The following NRXN3 variants were observed in gnomAD, a reference collection of about 807,000 sequenced individuals.
NRXN3 encodes the protein neurexin 3.
Under a neutral mutation model 137.6 loss-of-function variants are expected in NRXN3, and 32 were observed. The observed-to-expected ratio is 0.23, with a 90% CI of 0.18 to 0.31. The LOEUF is 0.31. NRXN3 is among the 10% of genes least tolerant of loss of function. The pLI is 1.00. For synonymous variants in NRXN3, 798 were observed against 784.5 expected, an observed-to-expected ratio of 1.02 and a Z score of -0.29; for missense variants, 1,574 against 2,062.5, an observed-to-expected ratio of 0.76 and a Z score of 4.59.
chr14:78,839,566 T>G (rs1334978738), intron 10 of NRXN3, among the ~76,000 whole-genome samples: 1 of 152,198 alleles, frequency 6.6e-6, no homozygotes, highest in Non-Finnish European at 1.5e-5. Flanking sequence ...GATCCTGAGA[T>G]GGACTGCACA....
chr14:78,921,089 T>C (rs926566597), intron 10 of NRXN3, among the ~76,000 whole-genome samples: 3 of 152,226 alleles, frequency 2.0e-5, no homozygotes, highest in Admixed American at 2.0e-4. Flanking sequence ...TAGTTTTTAA[T>C]GTAATCAGTC....
At chr14:79,333,602 T>G (rs763004027) in intron 15 of NRXN3, among the ~76,000 whole-genome samples, 2 of 152,014 alleles carry the variant, frequency 1.3e-5, no homozygotes, top group Non-Finnish European at 2.9e-5. Flanking sequence ...CTAATAAGAG[T>G]TAAGGATGGG....
Position 79,862,013 on chromosome 14 carries a change from C to T in NRXN3, c.*49C>T, listed in dbSNP as rs557691161. 1.3e-5 allele frequency: 19 copies of T among 1,425,114 alleles called. No individual in the cohort carries two copies. In the African/African-American group the frequency reaches 2.3e-4, roughly 17 times the overall value. 88.3% of individuals were successfully genotyped at this position (1,425,114 alleles called of 1,614,324 possible). On this transcript the variant is annotated 3_prime_UTR_variant, in exon 21 of 21. Transcript: ENST00000335750. ...GAGTTTTCACAGTTATTTCTATCCA[C>T]GCCTATGAATCTTTGGACGGTGAGA...
intron 20 of NRXN3, among the ~76,000 whole-genome samples, chr14:79,809,369 G>T (rs537770389): frequency 6.6e-6 from 1 of 152,226 alleles, no homozygotes; most frequent in South Asian, 2.1e-4. Flanking sequence ...AAACTCCTGG[G>T]CTCAAGTGAT....
intron 19 of NRXN3, among the ~76,000 whole-genome samples, chr14:79,702,969 G>A (rs1226412131): frequency 6.6e-6 from 1 of 151,326 alleles, no homozygotes; most frequent in East Asian, 1.9e-4. Context: ...ATCACCATTT[G>A]GAATCATTTA....
intron 4 of NRXN3, among the ~76,000 whole-genome samples, chr14:78,474,857 A>T (rs1421200394): frequency 6.6e-6 from 1 of 152,244 alleles, no homozygotes; most frequent in Non-Finnish European, 1.5e-5. Flanking sequence ...TGCATCCTGC[A>T]TACATTTTAG....
intron 15 of NRXN3, among the ~76,000 whole-genome samples, chr14:79,345,600 G>A (rs1181395827): frequency 6.6e-6 from 1 of 152,156 alleles, no homozygotes; most frequent in Non-Finnish European, 1.5e-5. Flanking sequence ...CCTGGCAGGA[G>A]GTGATTGGGT....
In NRXN3 at chr14:78,881,638, G is replaced by A. The variant is rs188077160; in HGVS notation, c.2275+71294G>A. Among the ~76,000 whole-genome samples the A allele has an allele frequency of 2.1e-3, 315 of 151,734 alleles. 3 individuals are homozygous for A. Among genetic ancestry groups the A allele is most frequent in the South Asian group, 5.2e-3 (25 of 4,822 alleles). Reference sequence around the variant, plus strand: ...TTCTAAGCAGCAAAGTGTTCAAGACGTGACTTGGGTGCTGTAAAAAGCATT... The same window carrying A: ...TTCTAAGCAGCAAAGTGTTCAAGACATGACTTGGGTGCTGTAAAAAGCATT... On this transcript the variant is annotated intron_variant, in intron 10 of 20. Transcript: ENST00000335750.
chr14:78,532,309 G>A (rs1477766877), intron 4 of NRXN3, among the ~76,000 whole-genome samples: 30 of 146,636 alleles, frequency 2.0e-4, no homozygotes, highest in African/African-American at 6.8e-4. Flanking sequence ...CAATAAGAGC[G>A]AAACTCCATC....
chr14:78,906,184 A>G (rs996795804), intron 10 of NRXN3, among the ~76,000 whole-genome samples: 84 of 152,204 alleles, frequency 5.5e-4, no homozygotes, highest in Non-Finnish European at 5.9e-5. Flanking sequence ...TTTCACCATT[A>G]TATTATATAA....
chr14:78,530,440 G>T (rs986067004), intron 4 of NRXN3, among the ~76,000 whole-genome samples: 2 of 152,170 alleles, frequency 1.3e-5, no homozygotes, highest in African/African-American at 2.4e-5. Flanking sequence ...AGTTGTCAAG[G>T]CACTTAGGCT....
At chr14:78,547,520 G>C (rs999183455) in intron 4 of NRXN3, among the ~76,000 whole-genome samples, 2 of 151,962 alleles carry the variant, frequency 1.3e-5, no homozygotes, top group Non-Finnish European at 2.9e-5. Context: ...TAAAGTAGCC[G>C]ATGGGATCCT....
intron 8 of NRXN3, among the ~76,000 whole-genome samples, chr14:78,728,148 C>A (rs1595240884): frequency 6.6e-6 from 1 of 152,148 alleles, no homozygotes; most frequent in East Asian, 1.9e-4. Context: ...TTGCTTTGTA[C>A]CTTTGGGCTG....
intron 8 of NRXN3, among the ~76,000 whole-genome samples, chr14:78,774,279 G>T (rs753790864): frequency 2.6e-5 from 4 of 152,084 alleles, no homozygotes; most frequent in Non-Finnish European, 4.4e-5. Flanking sequence ...ATTTTAAGTG[G>T]CTGCATAATA....
chr14:78,796,139 C>G (rs2098820971), intron 8 of NRXN3, among the ~76,000 whole-genome samples: 1 of 152,150 alleles, frequency 6.6e-6, no homozygotes, highest in Admixed American at 6.6e-5. Context: ...TTATCCAGCC[C>G]CCGTTTATAG....
chr14:78,834,218 A>C (rs1467185237), intron 10 of NRXN3, among the ~76,000 whole-genome samples: 1 of 152,138 alleles, frequency 6.6e-6, no homozygotes, highest in Non-Finnish European at 1.5e-5. Context: ...AACATTTATA[A>C]ATAAATGAGT....
chr14:79,120,421 G>T (rs1179928525), intron 15 of NRXN3, among the ~76,000 whole-genome samples: 2 of 151,806 alleles, frequency 1.3e-5, no homozygotes, highest in African/African-American at 4.8e-5. Flanking sequence ...CCATGAGAAG[G>T]GCATAACTTT....
chr14:79,103,341 A>G (rs541356204), intron 15 of NRXN3, among the ~76,000 whole-genome samples: 8 of 152,314 alleles, frequency 5.3e-5, no homozygotes, highest in Non-Finnish European at 1.0e-4. Context: ...TGATGGTTGA[A>G]GGGAATAAGA....
rs1250604017 is a variant in NRXN3 at position 79,498,004 on chromosome 14, A to G, written c.3444+30602A>G. On this transcript the variant is annotated intron_variant, in intron 16 of 20. Transcript: ENST00000335750. ...AGCCGAGATCATGCCACTGCACTCC[A>G]GCCTAGGCAACAGAGCGAGATTCTG... Among the ~76,000 whole-genome samples the G allele has an allele frequency of 2.0e-5, 3 of 152,200 alleles. No homozygotes were observed. The East Asian group carries it at 5.8e-4, about 29-fold the overall frequency.
Sources: gnomAD v4.1 joint callset for allele counts (sites outside exome capture counted in the v4.1 genomes callset) on GRCh38, gnomAD v4.1.1 for gene constraint, MANE v1.5 for transcripts, NCBI Gene and HGNC (gene_info 2026-07-23, HGNC 2026-07-21) for gene names.